Variants in SEMA5B observed in about 807,000 individuals in gnomAD.
SEMA5B encodes the protein semaphorin 5B.
Under a neutral mutation model 135.0 loss-of-function variants are expected in SEMA5B, and 66 were observed. The ratio of observed to expected loss-of-function variants is 0.49; its 90% CI spans 0.40 to 0.60. The LOEUF is 0.60. SEMA5B is among the 20% of genes least tolerant of loss of function. The probability of loss-of-function intolerance (pLI) is 0.00; values close to 1 mark genes in which losing one functional copy is unlikely to be tolerated. For synonymous variants in SEMA5B, 690 were observed against 639.5 expected, an observed-to-expected ratio of 1.08 and a Z score of -1.19; for missense variants, 1,501 against 1,566.3, an observed-to-expected ratio of 0.96 and a Z score of 0.70.
chr3:122,928,022 A>G lies in SEMA5B; in HGVS notation c.637-19T>C, dbSNP rs1938739101. On this transcript the variant is annotated intron_variant, in intron 7 of 22. Coordinates refer to ENST00000357599, the MANE Select transcript of SEMA5B (RefSeq NM_001031702.4). ...TCCCCACCTGGGGACAATGGGGAGAAGGGGACACTTTTCCCTGAGGCCCTG... is the reference window on the plus strand; with the variant it reads ...TCCCCACCTGGGGACAATGGGGAGAGGGGGACACTTTTCCCTGAGGCCCTG... The G allele has an allele frequency of 6.9e-7, 1 of 1,445,772 alleles. No individual in the cohort carries two copies. The highest frequency in any genetic ancestry group is 9.1e-7 in the Non-Finnish European group (1 of 1,093,386). 89.6% of individuals were successfully genotyped at this position (1,445,772 alleles called of 1,614,324 possible).
chr3:123,011,321 A>G (rs1942433868), intron 1 of SEMA5B, among the ~76,000 whole-genome samples: 1 of 152,358 alleles, frequency 6.6e-6, no homozygotes, highest in African/African-American at 2.4e-5. Flanking sequence ...TGCCTGTCAC[A>G]TCGATCATCC....
At position 123,019,690 on chromosome 3, in the gene SEMA5B, A is replaced by G. The variant is rs57918069; in HGVS notation, c.-39+7774T>C. On this transcript the variant is annotated intron_variant, in intron 1 of 22. Transcript: ENST00000357599. ...TTTACCAGGCCGTTGTATAGTAACA[A>G]CTGTATAAACCACAGCTGTTTTTAC... Among the ~76,000 whole-genome samples the G allele has an allele frequency of 3.0e-4, 46 of 152,344 alleles. No homozygotes were observed. In the East Asian group the frequency reaches 8.9e-3, roughly 29 times the overall value.
At chr3:122,952,927 G>A (rs149769244) in intron 2 of SEMA5B, among the ~76,000 whole-genome samples, 83 of 152,212 alleles carry the variant, frequency 5.5e-4, no homozygotes, top group African/African-American at 1.7e-3. Context: ...GGGTGGTGCC[G>A]CCTCCTTGCT....
intron 1 of SEMA5B, chr3:122,974,980 GC>G (rs1170789714): frequency 6.6e-6 from 1 of 152,268 alleles, no homozygotes; most frequent in Non-Finnish European, 1.5e-5. Flanking sequence ...CTTCATAGAG[GC>G]CTGTTGGAGG....
intron 2 of SEMA5B, among the ~76,000 whole-genome samples, chr3:122,953,572 G>A (rs148374999): frequency 1.4e-4 from 22 of 152,258 alleles, no homozygotes; most frequent in South Asian, 1.2e-3. Flanking sequence ...AGGACATGAC[G>A]GGTGGGGAAA....
At position 122,921,355 on chromosome 3, in the gene SEMA5B, G is replaced by A. The variant is rs557087416; in HGVS notation, c.1688+560C>T. ...AATCTGTGAGTCCGCTTGAAGCTACGGCATGAAGAACCAAGTTCAGAAGCA... is the reference window on the plus strand; with the variant it reads ...AATCTGTGAGTCCGCTTGAAGCTACAGCATGAAGAACCAAGTTCAGAAGCA... On this transcript the variant is annotated intron_variant, in intron 12 of 22. Transcript: ENST00000357599. 1.4e-3 allele frequency among the ~76,000 whole-genome samples: 218 copies of A among 152,250 alleles called. 2 individuals carry two copies. The highest frequency in any genetic ancestry group is 2.3e-3 in the Non-Finnish European group (156 of 68,008).
chr3:122,961,032 G>A lies in SEMA5B; in HGVS notation c.124+108C>T, dbSNP rs975319128. The A allele has an allele frequency of 8.7e-6, 10 of 1,144,140 alleles. No individual in the cohort carries two copies. The Admixed American group carries it at 1.7e-4, about 19-fold the overall frequency. 70.9% of individuals were successfully genotyped at this position (1,144,140 alleles called of 1,614,324 possible). A position where few individuals can be genotyped will look rare whatever the true frequency, so the allele number is the denominator to read the frequency against. On this transcript the variant is annotated intron_variant, in intron 2 of 22. Coordinates refer to ENST00000357599, the MANE Select transcript of SEMA5B (RefSeq NM_001031702.4). ...GAGCTGCTCAAATACAGTGGACTGA[G>A]GTCCTAGGAGGTATGCTGATGATGC...
intron 1 of SEMA5B, among the ~76,000 whole-genome samples, chr3:122,997,138 C>T (rs1486614020): frequency 6.6e-6 from 1 of 152,188 alleles, no homozygotes; most frequent in African/African-American, 2.4e-5. Flanking sequence ...CTGCCCTTTA[C>T]CCCTTCACAA....
At chr3:122,943,793 G>A (rs570480015) in intron 3 of SEMA5B, among the ~76,000 whole-genome samples, 6 of 152,106 alleles carry the variant, frequency 3.9e-5, no homozygotes, top group Non-Finnish European at 7.4e-5. Flanking sequence ...ACTTATACTC[G>A]CCCTTGACTT....
intron 1 of SEMA5B, chr3:122,974,970 C>T (rs1941264326): frequency 6.6e-6 from 1 of 152,254 alleles, no homozygotes; most frequent in Non-Finnish European, 1.5e-5. Flanking sequence ...ATAGAGTTAT[C>T]TTCATAGAGG....
chr3:122,918,265 C>T (rs1560290678), intron 12 of SEMA5B, among the ~76,000 whole-genome samples: 1 of 152,214 alleles, frequency 6.6e-6, no homozygotes. Context: ...ATGCAATTGG[C>T]CTCTTGCTCC....
intron 5 of SEMA5B, 37 bp downstream of exon 5, chr3:122,939,388 G>T (rs1939452942): frequency 6.4e-7 from 1 of 1,554,232 alleles, no homozygotes. Context: ...TGGAATAGGG[G>T]AAATTATAGG....
chr3:123,019,012 C>T (rs982714736), intron 1 of SEMA5B, among the ~76,000 whole-genome samples: 2 of 152,138 alleles, frequency 1.3e-5, no homozygotes. Context: ...GAAAGGGGGG[C>T]ATTGATGAAT....
At chr3:122,999,102 C>T (rs988362824) in intron 1 of SEMA5B, among the ~76,000 whole-genome samples, 6 of 152,238 alleles carry the variant, frequency 3.9e-5, no homozygotes, top group African/African-American at 1.4e-4. Flanking sequence ...CTTCCCACTA[C>T]ACCACATTCC....
chr3:123,026,435 T>C (rs1056398723), intron 1 of SEMA5B, among the ~76,000 whole-genome samples: 10 of 82,674 alleles, frequency 1.2e-4, no homozygotes, highest in African/African-American at 4.6e-4. Context: ...ACCCAAAGAC[T>C]GGGCTCGAGG....
intron 1 of SEMA5B, among the ~76,000 whole-genome samples, chr3:122,994,701 A>C (rs943685846): frequency 1.1e-4 from 16 of 152,228 alleles, no homozygotes; most frequent in African/African-American, 3.1e-4. Flanking sequence ...GGGGTTAGGC[A>C]GGACCAGGAG....
intron 1 of SEMA5B, among the ~76,000 whole-genome samples, chr3:122,995,067 C>A (rs1392650926): frequency 2.0e-5 from 3 of 152,088 alleles, no homozygotes; most frequent in Non-Finnish European, 4.4e-5. Flanking sequence ...GGCAACATGT[C>A]AGGTTGGAAA....
In SEMA5B at chr3:122,910,947, G is replaced by T; in HGVS notation, c.3190C>A (p.Arg1064Ser). ...AVYLSCQHCQ[R>S]QSQESTLVHP... is the part of the protein sequence containing the mutation. ...ACCAGTGTGGACTCCTGGGACTGACGCTGGCAGTGCTGGCAAGACAGGTAC... is the reference window on the plus strand; with the variant it reads ...ACCAGTGTGGACTCCTGGGACTGACTCTGGCAGTGCTGGCAAGACAGGTAC... Residue 1064 changes from arginine (R) to serine (S), a missense_variant, in exon 22 of 23, where the codon CGT (arginine) becomes AGT (serine). This residue lies in a region of SEMA5B where 927 missense variants were observed against 881.6 expected (regional missense o/e 1.05). Coordinates refer to ENST00000357599, the MANE Select transcript of SEMA5B (RefSeq NM_001031702.4). 6.2e-7 allele frequency: 1 copy of T among 1,613,772 alleles called. No individual in the cohort carries two copies. Among genetic ancestry groups the T allele is most frequent in the Non-Finnish European group, 8.5e-7 (1 of 1,179,910 alleles).
chr3:123,021,964 G>A (rs148544493), intron 1 of SEMA5B, among the ~76,000 whole-genome samples: 21 of 152,164 alleles, frequency 1.4e-4, no homozygotes, highest in Non-Finnish European at 2.5e-4. Context: ...CAACAGGGGG[G>A]TTGGATGGTA....
Sources: gnomAD v4.1 joint callset for allele counts (sites outside exome capture counted in the v4.1 genomes callset) on GRCh38, gnomAD v4.1.1 for gene constraint, gnomAD v4.1.1 regional missense constraint, MANE v1.5 for transcripts, NCBI Gene and HGNC (gene_info 2026-07-23, HGNC 2026-07-21) for gene names.